G6PC3: variants seen among roughly 807,000 people sequenced by gnomAD.
G6PC3 encodes glucose-6-phosphatase catalytic subunit 3.
A neutral mutation model predicts 38.6 loss-of-function variants in G6PC3; 30 were observed. That is an observed-to-expected ratio of 0.78 (90% CI 0.58 to 1.05). The LOEUF (loss-of-function observed/expected upper bound fraction) is 1.05. Ranked by LOEUF, G6PC3 falls within the 50% of genes least tolerant of loss-of-function variation. The pLI is 0.00. For missense variants in G6PC3, 377 were observed against 443.1 expected (o/e 0.85, Z 1.34); for synonymous variants, 192 against 178.1 (o/e 1.08, Z -0.62).
intron 1 of G6PC3, 88 bp downstream of exon 1, chr17:44,071,271 C>T (rs1369172435): frequency 6.5e-7 from 1 of 1,544,360 alleles, no homozygotes; most frequent in Non-Finnish European, 8.7e-7. Flanking sequence ...CAGCAACTGT[C>T]TCAAGGGCCT....
Position 44,076,146 on chromosome 17 carries a change from C to G in G6PC3, c.*103C>G. 1 of 1,442,446 alleles carries G rather than the reference C, an allele frequency of 6.9e-7. No individual in the cohort carries two copies. Among genetic ancestry groups the G allele is most frequent in the Non-Finnish European group, 9.6e-7 (1 of 1,037,738 alleles). 89.4% of individuals were successfully genotyped at this position (1,442,446 alleles called of 1,614,324 possible). A position where few individuals can be genotyped will look rare whatever the true frequency, so the allele number is the denominator to read the frequency against. On this transcript the variant is annotated 3_prime_UTR_variant, in exon 6 of 6. Coordinates refer to ENST00000269097, the MANE Select transcript of G6PC3 (RefSeq NM_138387.4). ...ATCCCCTTCCAGCCCCTAAGTAGGCCCTCCCCTCCCTAAATCTGCTTCCGC... is the reference window on the plus strand; with the variant it reads ...ATCCCCTTCCAGCCCCTAAGTAGGCGCTCCCCTCCCTAAATCTGCTTCCGC...
chr17:44,075,271 C>A (rs774697392), intron 4 of G6PC3, 39 bp from the exon 5 acceptor site: 2 of 1,613,150 alleles, frequency 1.2e-6, no homozygotes, highest in East Asian at 4.5e-5. Context: ...GGGTCATATC[C>A]CCAGACTCCT....
rs756441376 is a variant in G6PC3, at chr17:44,074,249, C to G, written c.308C>G (p.Ser103Cys). ...GCCCAGGTTCACCAGTTCCCCTCTT[C>G]TTGTGAGACTGGTCCAGGTGGGAAG... ...APAQVHQFPS[S>C]CETGPGSPSG... The change falls in exon 2 of 6, where the codon TCT becomes TGT. Residue 103 changes from serine (S) to cysteine (C), a missense_variant. Transcript: ENST00000269097. 9.3e-6 allele frequency: 15 copies of G among 1,612,218 alleles called. No individual in the cohort carries two copies. Among genetic ancestry groups the G allele is most frequent in the Admixed American group, 1.7e-5 (1 of 60,012 alleles).
chr17:44,071,952 G>A, intron 1 of G6PC3: 1 of 302,736 alleles, frequency 3.3e-6, no homozygotes, highest in Non-Finnish European at 6.6e-6. Flanking sequence ...CATGGGTGGA[G>A]GCCCTGTGGC....
chr17:44,071,652 CG>C (rs2049981288), intron 1 of G6PC3: 1 of 1,283,490 alleles, frequency 7.8e-7, no homozygotes, highest in African/African-American at 1.5e-5. Context: ...CTGGGCATCA[CG>C]GTAGCTGCTA....
Position 44,071,199 on chromosome 17 carries a change from C to T in G6PC3, c.218+16C>T. 2 of 1,609,180 alleles carry T rather than the reference C, an allele frequency of 1.2e-6. No homozygotes were observed. The highest frequency in any genetic ancestry group is 1.7e-6 in the Non-Finnish European group (2 of 1,178,582). ...TCTTCAAGTGGTGAGACAGAGAAGC[C>T]CTCCGGCATCCTGGTCCCCACCCCC... On this transcript the variant is annotated intron_variant, in intron 1 of 5. Transcript: ENST00000269097.
At position 44,074,195 on chromosome 17, in the gene G6PC3, A is replaced by G. The variant is rs1240480356; in HGVS notation, c.254A>G (p.His85Arg). ...LFGDRPFWWVHESGYYSQAPA... is the reference protein window; with the variant it reads ...LFGDRPFWWVRESGYYSQAPA... ...GGAGACAGGCCCTTTTGGTGGGTCC[A>G]TGAGTCTGGTTACTACAGCCAGGCT... Residue 85 changes from histidine (H) to arginine (R), a missense_variant, in exon 2 of 6, where the codon CAT becomes CGT. Transcript: ENST00000269097. The G allele has an allele frequency of 1.2e-6, 2 of 1,613,882 alleles. No individual in the cohort carries two copies. The highest frequency in any genetic ancestry group is 1.7e-6 in the Non-Finnish European group (2 of 1,179,930).
At chr17:44,073,450 T>C (rs550831031) in intron 1 of G6PC3, 2 of 153,456 alleles carry the variant, frequency 1.3e-5, no homozygotes, top group East Asian at 3.9e-4. Context: ...ATCAGTTTTA[T>C]TTTTTATTTT....
chr17:44,074,265 A>G lies in G6PC3; in HGVS notation c.324A>G (p.Pro108=). Residue 108 remains proline (P), a splice_region_variant and synonymous_variant, in exon 2 of 6, where the codon CCA becomes CCG. Coordinates refer to ENST00000269097, the MANE Select transcript of G6PC3 (RefSeq NM_138387.4). ...HQFPSSCETG[P]GSPSGHCMIT... ...TCCCCTCTTCTTGTGAGACTGGTCC[A>G]GGTGGGAAGCCTCAAACATTCTCCC... The G allele has an allele frequency of 6.2e-7, 1 of 1,604,884 alleles. No individual in the cohort carries two copies. The highest frequency in any genetic ancestry group is 1.1e-5 in the South Asian group (1 of 90,910).
In G6PC3 at chr17:44,070,939, C is replaced by G. The variant is rs2049964845; in HGVS notation, c.-27C>G. On this transcript the variant is annotated 5_prime_UTR_variant, in exon 1 of 6. Transcript: ENST00000269097. The stretch of plus-strand genomic sequence containing the variant: ...CTCTGGTTTCCGCCCTGGAGCAAGC[C>G]GGGGCCTGGTCGGCAGCTGGGCCGC... The G allele has an allele frequency of 6.5e-7, 1 of 1,547,066 alleles. No homozygotes were observed. The highest frequency in any genetic ancestry group is 1.4e-5 in the African/African-American group (1 of 72,994).
chr17:44,074,853 G>A, intron 3 of G6PC3, 83 bp downstream of exon 3: 4 of 1,506,308 alleles, frequency 2.7e-6, no homozygotes, highest in Non-Finnish European at 3.7e-6. Flanking sequence ...GGCAGCCTGG[G>A]AGCTGGAGTT....
At chr17:44,070,729 C>T (rs574786245), upstream of G6PC3, 17 of 587,080 alleles carry the variant, frequency 2.9e-5, no homozygotes, top group Non-Finnish European at 4.9e-5. Context: ...GTCCCCTGCG[C>T]TGCCCAGTAG....
chr17:44,070,860 C>A lies in G6PC3; in HGVS notation c.-106C>A, dbSNP rs2049962396. The A allele has an allele frequency of 7.6e-7, 1 of 1,322,898 alleles. No individual in the cohort carries two copies. The highest frequency in any genetic ancestry group is 1.3e-5 in the South Asian group (1 of 79,112). 81.9% of individuals were successfully genotyped at this position (1,322,898 alleles called of 1,614,324 possible). ...ACCGCTGGCGGGGCGGGGCCTGGGG[C>A]TCAGAGGGGTGGGCTTTGGAGATCA... On this transcript the variant is annotated 5_prime_UTR_variant, in exon 1 of 6. Coordinates refer to ENST00000269097, the MANE Select transcript of G6PC3 (RefSeq NM_138387.4).
Position 44,071,092 on chromosome 17 carries a change from T to G in G6PC3, c.127T>G (p.Phe43Val), listed in dbSNP as rs2049969242. The change falls in exon 1 of 6, where the codon TTC becomes GTC. Residue 43 changes from phenylalanine to valine, a missense_variant. Phe to Val is a conservative substitution (Grantham distance 50). Coordinates refer to ENST00000269097, the MANE Select transcript of G6PC3 (RefSeq NM_138387.4). ...GDPKILFLFY[F>V]PAAYYASRRV... ...TCCCAAGATCCTCTTTCTGTTCTAC[T>G]TCCCCGCGGCCTACTACGCCTCCCG... 1 of 1,613,708 alleles carries G rather than the reference T, an allele frequency of 6.2e-7. No individual in the cohort carries two copies. The highest frequency in any genetic ancestry group is 8.5e-7 in the Non-Finnish European group (1 of 1,179,908).
Position 44,075,942 on chromosome 17 carries a change from T to A in G6PC3, c.940T>A (p.Phe314Ile), listed in dbSNP as rs1212393526. 1 of 1,613,320 alleles carries A rather than the reference T, an allele frequency of 6.2e-7. No homozygotes were observed. The highest frequency in any genetic ancestry group is 1.7e-5 in the Admixed American group (1 of 60,028). The change falls in exon 6 of 6, where the codon TTC becomes ATC. Residue 314 changes from phenylalanine to isoleucine, a missense_variant. Phe to Ile is a conservative substitution (Grantham distance 21, BLOSUM62 0). Transcript: ENST00000269097. ...PQISLFYIFN[F>I]LKYTLWPCLV... is the part of the protein sequence containing the mutation. ...GATCAGCCTCTTCTACATTTTCAAT[T>A]TCCTCAAGTACACCCTCTGGCCATG...
Position 44,070,910 on chromosome 17 carries a change from T to C in G6PC3, c.-56T>C, listed in dbSNP as rs1232443578. Reference sequence around the variant, plus strand: ...AGAGGGTCGACGCTGCTTCGTTGCCTGGACTCTGGTTTCCGCCCTGGAGCA... The same window carrying C: ...AGAGGGTCGACGCTGCTTCGTTGCCCGGACTCTGGTTTCCGCCCTGGAGCA... On this transcript the variant is annotated 5_prime_UTR_variant, in exon 1 of 6. Transcript: ENST00000269097. 7.2e-6 allele frequency: 11 copies of C among 1,537,550 alleles called. No individual in the cohort carries two copies. In the South Asian group the frequency reaches 9.5e-5, roughly 13 times the overall value.
At chr17:44,075,109 G>A (rs748137021) in intron 4 of G6PC3, 22 bp downstream of exon 4, 1 of 1,587,782 alleles carries the variant, frequency 6.3e-7, no homozygotes, top group Non-Finnish European at 8.7e-7. Context: ...GGGCAACGGG[G>A]TGGACTGAGA....
chr17:44,074,790 C>T lies in G6PC3; in HGVS notation c.416+20C>T, dbSNP rs1303244428. On this transcript the variant is annotated intron_variant, in intron 3 of 5. Coordinates refer to ENST00000269097, the MANE Select transcript of G6PC3 (RefSeq NM_138387.4). ...CCGCAGGTATACCCTTGGCATTGCC[C>T]ACCATTGGGAGCAGGGGTGATGGCA... is the stretch of plus-strand genomic sequence containing the variant. 1 of 1,607,236 alleles carries T rather than the reference C, an allele frequency of 6.2e-7. No individual in the cohort carries two copies. The highest frequency in any genetic ancestry group is 1.3e-5 in the African/African-American group (1 of 74,902).
At chr17:44,072,261 CAAT>C (rs2049993616) in intron 1 of G6PC3, 1 of 152,800 alleles carries the variant, frequency 6.5e-6, no homozygotes, top group African/African-American at 2.4e-5. Flanking sequence ...CCAAAGATCA[CAAT>C]CTCCTTCAGA....
Sources: allele counts gnomAD v4.1 joint callset, GRCh38; gene constraint gnomAD v4.1.1; transcripts MANE v1.5; gene names NCBI Gene and HGNC (gene_info 2026-07-23, HGNC 2026-07-21).